KLHL36: variants seen among roughly 807,000 people sequenced by gnomAD.
The protein encoded by KLHL36 is kelch like family member 36.
KLHL36 carries 35 observed loss-of-function variants against 53.3 expected under a neutral mutation model. That is an observed-to-expected ratio of 0.66 (90% CI 0.50 to 0.87). KLHL36 has a LOEUF of 0.87. KLHL36 is among the 40% of genes least tolerant of loss of function. The probability of loss-of-function intolerance (pLI) is 0.00; values close to 1 mark genes in which losing one functional copy is unlikely to be tolerated. For synonymous variants in KLHL36, 472 were observed against 398.9 expected, an observed-to-expected ratio of 1.18 and a Z score of -2.18; for missense variants, 864 against 897.6, an observed-to-expected ratio of 0.96 and a Z score of 0.48.
At chr16:84,649,716 A>G (rs987541511) in intron 1 of KLHL36, among the ~76,000 whole-genome samples, 2 of 152,202 alleles carry the variant, frequency 1.3e-5, no homozygotes, top group Admixed American at 6.5e-5. Context: ...CATTCCTTCC[A>G]TGGGAACACT....
rs1428686697 is a variant in KLHL36, at chr16:84,662,504, T to TC, written c.*373dup. 1 of 173,338 alleles carries TC rather than the reference T, an allele frequency of 5.8e-6. No homozygotes were observed. The highest frequency in any genetic ancestry group is 1.2e-5 in the Non-Finnish European group (1 of 81,530). 10.7% of individuals were successfully genotyped at this position (173,338 alleles called of 1,614,324 possible). On this transcript the variant is annotated 3_prime_UTR_variant, in exon 5 of 5. Coordinates refer to ENST00000564996, the MANE Select transcript of KLHL36 (RefSeq NM_024731.4). Reference sequence around the variant, plus strand: ...CAAAGGGTTCTCTTAGGCCACCTAGTCCAAGCCTCCCCAAACCTGGCTGAA... The same window carrying TC: ...CAAAGGGTTCTCTTAGGCCACCTAGTCCCAAGCCTCCCCAAACCTGGCTGAA...
chr16:84,667,069 A>AAGAAGAAAAG lies in KLHL36; in HGVS notation c.*4937_*4938insGAAGAAAAGA, dbSNP rs113351724. On this transcript the variant is annotated 3_prime_UTR_variant, in exon 5 of 5. Coordinates refer to ENST00000564996, the MANE Select transcript of KLHL36 (RefSeq NM_024731.4). ...CGAGTAAGACTGTCTCAAAAAAAAA[A>AAGAAGAAAAG]AAAAAAAAGAAAAGAAATTGTCCTT... The AAGAAGAAAAG allele has an allele frequency of 1.4e-5, 2 of 146,168 alleles. No individual in the cohort carries two copies. Among genetic ancestry groups the AAGAAGAAAAG allele is most frequent in the Admixed American group, 6.8e-5 (1 of 14,668 alleles). The allele number at this position is 146,168 out of a possible 1,614,324, so 9.1% of individuals were successfully genotyped here. A position where few individuals can be genotyped will look rare whatever the true frequency, so the allele number is the denominator to read the frequency against.
chr16:84,654,799 G>A (rs750116210), intron 2 of KLHL36, among the ~76,000 whole-genome samples: 11 of 152,010 alleles, frequency 7.2e-5, no homozygotes, highest in East Asian at 1.9e-4. Context: ...TACTAGAGAC[G>A]GGGTTTCACC....
intron 1 of KLHL36, among the ~76,000 whole-genome samples, chr16:84,649,920 C>T (rs569682685): frequency 1.3e-5 from 2 of 152,296 alleles, no homozygotes; most frequent in African/African-American, 4.8e-5. Context: ...GGCAAAGTCC[C>T]TTCTCTGTGT....
At position 84,658,058 on chromosome 16, in the gene KLHL36, G is replaced by A. The variant is rs910976509; in HGVS notation, c.1137+114G>A. ...CTTGACAACTATCCTGCTTCTGAAT[G>A]AGGTGTGATGATAAAGTGACGAGCA... is the stretch of plus-strand genomic sequence containing the variant. On this transcript the variant is annotated intron_variant, in intron 3 of 4. Coordinates refer to ENST00000564996, the MANE Select transcript of KLHL36 (RefSeq NM_024731.4). 6 of 800,750 alleles carry A rather than the reference G, an allele frequency of 7.5e-6. No individual in the cohort carries two copies. The South Asian group carries it at 1.3e-4, about 18-fold the overall frequency. 49.6% of individuals were successfully genotyped at this position (800,750 alleles called of 1,614,324 possible).
chr16:84,662,043 C>A lies in KLHL36; in HGVS notation c.1761C>A (p.Gly587=). The A allele has an allele frequency of 3.2e-6, 5 of 1,583,034 alleles. No homozygotes were observed. The highest frequency in any genetic ancestry group is 4.3e-6 in the Non-Finnish European group (5 of 1,165,672). The change falls in exon 5 of 5, where the codon GGC becomes GGA. Residue 587 remains glycine, a synonymous_variant. Transcript: ENST00000564996. ...TCGACCTGCCCAAGGCCATCGCTGG[C>A]GGGTCCGCCTGTGTCTGCGCCCTGG... is the stretch of plus-strand genomic sequence containing the variant. ...RGVDLPKAIA[G]GSACVCALEP...
At chr16:84,655,182 G>T (rs1318241218) in intron 2 of KLHL36, among the ~76,000 whole-genome samples, 2 of 152,206 alleles carry the variant, frequency 1.3e-5, no homozygotes, top group South Asian at 4.1e-4. Context: ...TCCTCCACAG[G>T]CTGTGAGAAT....
At chr16:84,652,229 A>C (rs1201015434) in intron 2 of KLHL36, among the ~76,000 whole-genome samples, 2 of 151,926 alleles carry the variant, frequency 1.3e-5, no homozygotes, top group African/African-American at 2.4e-5. Flanking sequence ...GTCTGAACTG[A>C]ATCTCTTAGG....
At chr16:84,652,717 A>C (rs1368031037) in intron 2 of KLHL36, among the ~76,000 whole-genome samples, 1 of 152,120 alleles carries the variant, frequency 6.6e-6, no homozygotes, top group Non-Finnish European at 1.5e-5. Context: ...TCCCAACCCC[A>C]CCGCTGTGGT....
intron 2 of KLHL36, among the ~76,000 whole-genome samples, chr16:84,653,521 G>T (rs1455435095): frequency 1.3e-5 from 2 of 152,166 alleles, no homozygotes; most frequent in Admixed American, 1.3e-4. Context: ...TAGAACTTTG[G>T]GAGGCTGAGG....
rs1224498059 is a variant in KLHL36 at position 84,664,880 on chromosome 16, A to T, written c.*2747A>T. ...CTCTACAAAAAAATTACAAAAGATT[A>T]GCCAGGGATGGTGGGGCATGCAGTA... On this transcript the variant is annotated 3_prime_UTR_variant, in exon 5 of 5. Coordinates refer to ENST00000564996, the MANE Select transcript of KLHL36 (RefSeq NM_024731.4). 1 of 152,292 alleles carries T rather than the reference A, an allele frequency of 6.6e-6. No homozygotes were observed. Among genetic ancestry groups the T allele is most frequent in the Non-Finnish European group, 1.5e-5 (1 of 68,082 alleles). The allele number at this position is 152,292 out of a possible 1,614,324, so 9.4% of individuals were successfully genotyped here. A position where few individuals can be genotyped will look rare whatever the true frequency, so the allele number is the denominator to read the frequency against.
At chr16:84,656,419 G>A (rs1471027689) in intron 2 of KLHL36, among the ~76,000 whole-genome samples, 2 of 150,828 alleles carry the variant, frequency 1.3e-5, no homozygotes, top group South Asian at 2.1e-4. Flanking sequence ...ACAGGCACAC[G>A]CCACCATGCC....
chr16:84,659,989 C>T, intron 4 of KLHL36, 72 bp downstream of exon 4: 1 of 1,411,022 alleles, frequency 7.1e-7, no homozygotes, highest in Non-Finnish European at 9.7e-7. Context: ...CCACGTGCCT[C>T]ACTTTCTGGG....
chr16:84,659,655 C>G, intron 3 of KLHL36, 105 bp from the exon 4 acceptor site: 1 of 1,189,848 alleles, frequency 8.4e-7, no homozygotes, highest in East Asian at 2.4e-5. Context: ...CCCAAACATT[C>G]TCCGGGGTTG....
chr16:84,649,157 T>G (rs1906662870), intron 1 of KLHL36: 1 of 152,266 alleles, frequency 6.6e-6, no homozygotes, highest in South Asian at 2.1e-4. Context: ...CCTTTTCCAG[T>G]GACCTGGGAT....
At chr16:84,652,578 CTT>C (rs1906957882) in intron 2 of KLHL36, among the ~76,000 whole-genome samples, 1 of 152,112 alleles carries the variant, frequency 6.6e-6, no homozygotes, top group Admixed American at 6.6e-5. Context: ...CTGTTTCTAA[CTT>C]TTTATTTTTA....
At chr16:84,658,751 A>C (rs1348109589) in intron 3 of KLHL36, 1 of 152,136 alleles carries the variant, frequency 6.6e-6, no homozygotes, top group Non-Finnish European at 1.5e-5. Flanking sequence ...AGTCCATCTC[A>C]GCCTCTATAC....
In KLHL36 at chr16:84,663,672, G is replaced by A. The variant is rs116422365; in HGVS notation, c.*1539G>A. ...CCTTTAAGAGGGCTCTCAGCTGCTC[G>A]AGTGGATGAGGATCAATGTGTTAAG... On this transcript the variant is annotated 3_prime_UTR_variant, in exon 5 of 5. Transcript: ENST00000564996. 8 of 152,242 alleles carry A rather than the reference G, an allele frequency of 5.3e-5. No individual in the cohort carries two copies. The highest frequency in any genetic ancestry group is 1.9e-4 in the African/African-American group (8 of 41,464). 9.4% of individuals were successfully genotyped at this position (152,242 alleles called of 1,614,324 possible). A position where few individuals can be genotyped will look rare whatever the true frequency, so the allele number is the denominator to read the frequency against.
At position 84,665,293 on chromosome 16, in the gene KLHL36, T is replaced by C. The variant is rs1319739364; in HGVS notation, c.*3160T>C. 1 of 152,160 alleles carries C rather than the reference T, an allele frequency of 6.6e-6. No individual in the cohort carries two copies. Among genetic ancestry groups the C allele is most frequent in the Non-Finnish European group, 1.5e-5 (1 of 68,036 alleles). 9.4% of individuals were successfully genotyped at this position (152,160 alleles called of 1,614,324 possible). Reference sequence around the variant, plus strand: ...TCAAAATAAGCATGGCAGGCTTCTATTGAGGTTTGGACTTCTCTCATTTCT... The same window carrying C: ...TCAAAATAAGCATGGCAGGCTTCTACTGAGGTTTGGACTTCTCTCATTTCT... On this transcript the variant is annotated 3_prime_UTR_variant, in exon 5 of 5. Coordinates refer to ENST00000564996, the MANE Select transcript of KLHL36 (RefSeq NM_024731.4).
Sources: gnomAD v4.1 joint callset for allele counts (sites outside exome capture counted in the v4.1 genomes callset) on GRCh38, gnomAD v4.1.1 for gene constraint, MANE v1.5 for transcripts, NCBI Gene and HGNC (gene_info 2026-07-23, HGNC 2026-07-21) for gene names.